ANXA8: variants seen among roughly 807,000 people sequenced by gnomAD.
ANXA8 encodes annexin A8, also known as VAC-beta.
ANXA8 carries 9 observed loss-of-function variants against 26.8 expected under a neutral mutation model. The observed-to-expected ratio is 0.34, with a 90% CI of 0.20 to 0.59. ANXA8 has a LOEUF of 0.59. Ranked by LOEUF, ANXA8 falls within the 20% of genes least tolerant of loss-of-function variation. The pLI is 0.84. For missense variants in ANXA8, 83 were observed against 238.5 expected (o/e 0.35, Z 4.29); for synonymous variants, 39 against 94.8 (o/e 0.41, Z 3.42).
At chr10:47,532,807 TG>T in the ANXA8 span, among the ~76,000 whole-genome samples, 1 of 11,990 alleles carries the variant, frequency 8.3e-5, no homozygotes, top group Admixed American at 7.5e-4. Flanking sequence ...AGGGGTGGAG[TG>T]GGGGAGTTTC....
chr10:47,915,031 T>C, the ANXA8 span, among the ~76,000 whole-genome samples: 1 of 152,250 alleles, frequency 6.6e-6, no homozygotes, highest in African/African-American at 2.4e-5. Flanking sequence ...GGATAGCTGA[T>C]GTGGCTTCCC....
At chr10:47,968,817 T>C in the ANXA8 span, among the ~76,000 whole-genome samples, 1 of 148,142 alleles carries the variant, frequency 6.8e-6, no homozygotes, top group Non-Finnish European at 1.5e-5. Context: ...TTAAAAGGGA[T>C]TACCCAAGCA....
chr10:47,573,261 C>T, the ANXA8 span, among the ~76,000 whole-genome samples: 15 of 149,624 alleles, frequency 1.0e-4, 2 homozygotes, highest in African/African-American at 2.7e-4. Flanking sequence ...AGATTACAGG[C>T]GTGAGCCACC....
chr10:47,483,852 C>T, intron 1 of ANXA8, 61 bp downstream of exon 1: 1 of 1,611,548 alleles, frequency 6.2e-7, no homozygotes, highest in Non-Finnish European at 8.5e-7. Context: ...TCTCAGGACT[C>T]CCTGGTGACC....
the ANXA8 span, among the ~76,000 whole-genome samples, chr10:47,694,077 T>A: frequency 1.3e-5 from 2 of 151,778 alleles, no homozygotes; most frequent in Middle Eastern, 3.4e-3. Context: ...AACTCTGCAA[T>A]CTCTGTATTT....
At chr10:47,958,478 C>CA in the ANXA8 span, among the ~76,000 whole-genome samples, 297 of 122,346 alleles carry the variant, frequency 2.4e-3, 10 homozygotes, top group East Asian at 0.026. Flanking sequence ...GGTTCTGTCT[C>CA]AAAAAAAAAA....
chr10:47,702,777 G>T, the ANXA8 span, among the ~76,000 whole-genome samples: 1 of 151,712 alleles, frequency 6.6e-6, no homozygotes, highest in Non-Finnish European at 1.5e-5. Context: ...GGCACCATAG[G>T]TGTGCACTAC....
At chr10:47,502,886 A>C in the ANXA8 span, 10 of 1,604,662 alleles carry the variant, frequency 6.2e-6, 1 homozygote, top group Non-Finnish European at 8.5e-6. Flanking sequence ...CCAGTGGCAG[A>C]CACAATCATA....
chr10:47,979,199 G>T, the ANXA8 span, among the ~76,000 whole-genome samples: 1 of 151,462 alleles, frequency 6.6e-6, no homozygotes, highest in Non-Finnish European at 1.5e-5. Context: ...GTGAGAAATA[G>T]AAAATTCAAC....
chr10:47,970,861 C>G, the ANXA8 span, among the ~76,000 whole-genome samples: 3 of 151,222 alleles, frequency 2.0e-5, no homozygotes, highest in African/African-American at 7.3e-5. Context: ...GAGGGAGGTG[C>G]CAGCTAAGGT....
the ANXA8 span, among the ~76,000 whole-genome samples, chr10:47,499,175 A>G: frequency 7.3e-6 from 1 of 136,194 alleles, no homozygotes; most frequent in African/African-American, 3.0e-5. Context: ...TGGAACTGGG[A>G]TTAATCAGAA....
chr10:47,918,356 GGAGA>G, the ANXA8 span, among the ~76,000 whole-genome samples: 50 of 17,740 alleles, frequency 2.8e-3, 8 homozygotes, highest in African/African-American at 0.013. Flanking sequence ...GGGGAGGGAG[GGAGA>G]GAGAGAGAGA....
chr10:47,673,307 G>T, the ANXA8 span, among the ~76,000 whole-genome samples: 1 of 151,584 alleles, frequency 6.6e-6, no homozygotes, highest in Non-Finnish European at 1.5e-5. Flanking sequence ...TAGAAGGCAG[G>T]ATTGCTGAGA....
chr10:47,561,598 A>C, the ANXA8 span, among the ~76,000 whole-genome samples: 1 of 151,802 alleles, frequency 6.6e-6, no homozygotes, highest in African/African-American at 2.4e-5. Context: ...TTAAAAGTAC[A>C]TGTATGTCAA....
At chr10:47,533,223 A>ACACACACACCC in the ANXA8 span, among the ~76,000 whole-genome samples, 1 of 139,200 alleles carries the variant, frequency 7.2e-6, no homozygotes, top group African/African-American at 2.8e-5. Flanking sequence ...ACACACACAC[A>ACACACACACCC]CCCCCGCAGA....
At chr10:47,616,800 A>C in the ANXA8 span, among the ~76,000 whole-genome samples, 3 of 72,432 alleles carry the variant, frequency 4.1e-5, 1 homozygote, top group African/African-American at 1.2e-4. Flanking sequence ...AAATAATTAA[A>C]AGCACTCTCA....
At chr10:47,958,019 T>C in the ANXA8 span, among the ~76,000 whole-genome samples, 1 of 150,568 alleles carries the variant, frequency 6.6e-6, no homozygotes, top group Non-Finnish European at 1.5e-5. Flanking sequence ...CAAATAAGGT[T>C]ATAGTCACAG....
the ANXA8 span, among the ~76,000 whole-genome samples, chr10:47,744,546 T>A: frequency 5.1e-4 from 77 of 151,274 alleles, no homozygotes; most frequent in Admixed American, 2.1e-3. Flanking sequence ...TTGAGAAACA[T>A]ACCTCTTGAA....
the ANXA8 span, among the ~76,000 whole-genome samples, chr10:47,561,160 C>T: frequency 2.5e-4 from 38 of 151,846 alleles, no homozygotes; most frequent in Non-Finnish European, 2.9e-5. Flanking sequence ...TACAACATTA[C>T]ATAATTAAGT....
Sources: gnomAD v4.1 joint callset for allele counts (sites outside exome capture counted in the v4.1 genomes callset) on GRCh38, gnomAD v4.1.1 for gene constraint, MANE v1.5 for transcripts, NCBI Gene and HGNC (gene_info 2026-07-23, HGNC 2026-07-21) for gene names.